The following ESR1 variants were observed in gnomAD, a reference collection of about 807,000 sequenced individuals.
ESR1 encodes the protein estrogen receptor.
ESR1 carries 12 observed loss-of-function variants against 52.7 expected under a neutral mutation model. The observed-to-expected ratio is 0.23, with a 90% CI of 0.15 to 0.37. ESR1 has a LOEUF of 0.37. ESR1 is among the 10% of genes least tolerant of loss of function. The pLI is 1.00. For missense variants in ESR1, 584 were observed against 779.7 expected (o/e 0.75, Z 2.99); for synonymous variants, 305 against 316.8 (o/e 0.96, Z 0.39).
At chr6:151,677,770 T>C (rs1778301398) in intron 1 of ESR1, among the ~76,000 whole-genome samples, 1 of 152,164 alleles carries the variant, frequency 6.6e-6, no homozygotes, top group Admixed American at 6.5e-5. Context: ...TTTGCCCACA[T>C]TGTCAATAAT....
intron 4 of ESR1, among the ~76,000 whole-genome samples, chr6:151,968,701 A>G (rs2038568812): frequency 1.3e-5 from 2 of 152,082 alleles, no homozygotes; most frequent in Non-Finnish European, 2.9e-5. Flanking sequence ...CAGTTATGTG[A>G]AAAAGTTTCC....
At chr6:151,973,150 A>G (rs2039085658) in intron 4 of ESR1, among the ~76,000 whole-genome samples, 1 of 152,144 alleles carries the variant, frequency 6.6e-6, no homozygotes, top group Non-Finnish European at 1.5e-5. Context: ...CTTCAATCCA[A>G]TCAAGTTGAC....
Position 152,043,543 on chromosome 6 carries a change from CAG to C in ESR1, c.1236-17447_1236-17446del, listed in dbSNP as rs1365584339. Among the ~76,000 whole-genome samples, 9 of 152,296 alleles carry C rather than the reference CAG, an allele frequency of 5.9e-5. No homozygotes were observed. The East Asian group carries it at 1.3e-3, about 23-fold the overall frequency. ...GTCTAGTTCTATAACTATAAGCAAA[CAG>C]GGGTATTGAGGGTGGGTCCTTAGGA... is the stretch of plus-strand genomic sequence containing the variant. On this transcript the variant is annotated intron_variant, in intron 5 of 7. Coordinates refer to ENST00000206249, the MANE Select transcript of ESR1 (RefSeq NM_000125.4).
intron 1 of ESR1, among the ~76,000 whole-genome samples, chr6:151,832,712 G>C (rs1562454577): frequency 6.6e-6 from 1 of 152,266 alleles, no homozygotes; most frequent in East Asian, 1.9e-4. Flanking sequence ...GGTATTTTCT[G>C]TCTGAAAAGT....
At chr6:151,906,898 G>A (rs1009618710) in intron 3 of ESR1, among the ~76,000 whole-genome samples, 3 of 150,390 alleles carry the variant, frequency 2.0e-5, no homozygotes, top group Non-Finnish European at 4.4e-5. Flanking sequence ...TTCACATTTT[G>A]TTACTTATTT....
chr6:151,666,898 G>C (rs1253171114), intron 1 of ESR1, among the ~76,000 whole-genome samples: 1 of 152,094 alleles, frequency 6.6e-6, no homozygotes, highest in East Asian at 1.9e-4. Context: ...GTGAGTAGAT[G>C]GAGGTCATAA....
Position 151,767,945 on chromosome 6 carries a change from A to G in ESR1, c.-70-39898A>G, listed in dbSNP as rs147429166. Among the ~76,000 whole-genome samples the G allele has an allele frequency of 4.9e-3, 740 of 152,328 alleles. 2 individuals carry two copies. Among genetic ancestry groups the G allele is most frequent in the Non-Finnish European group, 7.1e-3 (480 of 68,030 alleles). Reference sequence around the variant, plus strand: ...ATAGCTCTATGCGCTAGAATTAGTTATATCATTCCTCCTAGATATGAGGGG... The same window carrying G: ...ATAGCTCTATGCGCTAGAATTAGTTGTATCATTCCTCCTAGATATGAGGGG... On this transcript the variant is annotated intron_variant, in intron 2 of 2. Transcript: ENST00000404742.
chr6:151,791,408 T>G (rs1776146280), intron 2 of ESR1, among the ~76,000 whole-genome samples: 2 of 152,212 alleles, frequency 1.3e-5, no homozygotes, highest in Admixed American at 1.3e-4. Flanking sequence ...GCGCCTTTGC[T>G]CTTCCTTTGT....
chr6:151,672,778 C>T (rs1489330373), intron 1 of ESR1, among the ~76,000 whole-genome samples: 1 of 151,050 alleles, frequency 6.6e-6, no homozygotes, highest in Non-Finnish European at 1.5e-5. Context: ...CGCCCTAAAC[C>T]TTTTTTAAAA....
intron 5 of ESR1, among the ~76,000 whole-genome samples, chr6:152,030,333 A>T (rs550010712): frequency 3.3e-5 from 5 of 152,148 alleles, no homozygotes; most frequent in African/African-American, 9.7e-5. Flanking sequence ...ATTAAAAGAC[A>T]CAGACTGGCA....
chr6:151,804,740 A>G (rs2128147312), upstream of ESR1: 1 of 152,324 alleles, frequency 6.6e-6, no homozygotes, highest in Non-Finnish European at 1.5e-5. Flanking sequence ...CACTCCTGGC[A>G]TTGTGATTAG....
intron 1 of ESR1, among the ~76,000 whole-genome samples, chr6:151,666,346 T>A (rs974890112): frequency 1.3e-5 from 2 of 152,158 alleles, no homozygotes; most frequent in African/African-American, 2.4e-5. Flanking sequence ...TACTAACACC[T>A]TCACAGTACA....
chr6:152,070,966 A>T (rs1165091571), intron 6 of ESR1, among the ~76,000 whole-genome samples: 1 of 138,494 alleles, frequency 7.2e-6, no homozygotes, highest in Non-Finnish European at 1.5e-5. Flanking sequence ...TAGCTTGATC[A>T]CCATTTATTG....
At chr6:151,949,776 T>G (rs1307242745) in intron 4 of ESR1, among the ~76,000 whole-genome samples, 2 of 152,250 alleles carry the variant, frequency 1.3e-5, no homozygotes, top group Non-Finnish European at 2.9e-5. Flanking sequence ...TTCTTTCACA[T>G]GAAACTTTGA....
intron 1 of ESR1, among the ~76,000 whole-genome samples, chr6:151,816,706 C>T (rs1779705032): frequency 6.6e-6 from 1 of 152,042 alleles, no homozygotes; most frequent in Non-Finnish European, 1.5e-5. Context: ...TTATTACATG[C>T]CAGGTACTGT....
At chr6:152,096,525 A>G (rs1001031520) in intron 7 of ESR1, 5 of 414,732 alleles carry the variant, frequency 1.2e-5, no homozygotes, top group Admixed American at 2.5e-5. Context: ...TATGCCCCCA[A>G]CATTACTACT....
rs1403148451 is a variant in ESR1, at chr6:152,011,711, A to G, written c.1152A>G (p.Leu384=). ...TCCACCTTCTAGAATGTGCCTGGCT[A>G]GAGATCCTGATGATTGGTCTCGTCT... is the stretch of plus-strand genomic sequence containing the variant. ...DQVHLLECAW[L]EILMIGLVWR... Residue 384 remains leucine (L), a synonymous_variant, in exon 5 of 8, where the codon CTA becomes CTG. Transcript: ENST00000206249. 6.2e-6 allele frequency: 10 copies of G among 1,613,020 alleles called. No individual in the cohort carries two copies. The highest frequency in any genetic ancestry group is 4.5e-5 in the East Asian group (2 of 44,830).
chr6:152,068,858 G>GCTC (rs1241431932), intron 6 of ESR1, among the ~76,000 whole-genome samples: 50 of 139,960 alleles, frequency 3.6e-4, no homozygotes, highest in East Asian at 9.1e-4. Context: ...GCCAGGCACT[G>GCTC]CCTGCATAAA....
chr6:151,765,192 C>T (rs764752563), intron 2 of ESR1, among the ~76,000 whole-genome samples: 38 of 152,056 alleles, frequency 2.5e-4, no homozygotes, highest in Admixed American at 5.2e-4. Context: ...ACGTTTTTCA[C>T]TTATAGCACA....
Sources: gnomAD v4.1 joint callset for allele counts (sites outside exome capture counted in the v4.1 genomes callset) on GRCh38, gnomAD v4.1.1 for gene constraint, MANE v1.5 for transcripts, NCBI Gene and HGNC (gene_info 2026-07-23, HGNC 2026-07-21) for gene names.